Variants in B3GALT1 observed in about 807,000 individuals in gnomAD.
B3GALT1 encodes UDP-Gal:betaGlcNAc beta 1,3-galactosyltransferase, polypeptide 1.
Under a neutral mutation model 23.2 loss-of-function variants are expected in B3GALT1, and 10 were observed. That is an observed-to-expected ratio of 0.43 (90% CI 0.27 to 0.73). The LOEUF (loss-of-function observed/expected upper bound fraction) is 0.73, where lower values mean the gene tolerates loss of function less well. Ranked by LOEUF, B3GALT1 falls within the 30% of genes least tolerant of loss-of-function variation. The probability of loss-of-function intolerance (pLI) is 0.21; values close to 1 mark genes in which losing one functional copy is unlikely to be tolerated. For synonymous variants in B3GALT1, 156 were observed against 141.5 expected (o/e 1.10, Z -0.73); for missense variants, 299 against 405.4 (o/e 0.74, Z 2.25).
chr2:167,595,594 C>T (rs1365150135), intron 2 of B3GALT1, among the ~76,000 whole-genome samples: 1 of 152,154 alleles, frequency 6.6e-6, no homozygotes. Context: ...ACTCAGAGTA[C>T]CATGGCAACC....
At chr2:167,515,929 T>C (rs1011792809) in intron 2 of B3GALT1, among the ~76,000 whole-genome samples, 5 of 152,098 alleles carry the variant, frequency 3.3e-5, no homozygotes, top group Admixed American at 2.6e-4. Flanking sequence ...ACACAAACCT[T>C]CCTAAATTTT....
chr2:167,709,589 T>G (rs1574224843), intron 3 of B3GALT1, among the ~76,000 whole-genome samples: 1 of 152,066 alleles, frequency 6.6e-6, no homozygotes, highest in African/African-American at 2.4e-5. Context: ...TGAGAGAAAT[T>G]TAGAAAGGCT....
At chr2:167,781,528 C>A (rs925699094) in intron 3 of B3GALT1, among the ~76,000 whole-genome samples, 3 of 152,074 alleles carry the variant, frequency 2.0e-5, no homozygotes, top group African/African-American at 7.2e-5. Flanking sequence ...CTTCAGGAAC[C>A]AAAGAGGAAG....
chr2:167,734,154 A>C (rs1396892284), intron 3 of B3GALT1, among the ~76,000 whole-genome samples: 2 of 152,300 alleles, frequency 1.3e-5, no homozygotes, highest in East Asian at 3.9e-4. Flanking sequence ...GGTCTATAAA[A>C]AATATTGGTT....
intron 1 of B3GALT1, among the ~76,000 whole-genome samples, chr2:167,435,983 GCA>G (rs149818630): frequency 5.2e-4 from 73 of 139,184 alleles, no homozygotes; most frequent in African/African-American, 1.3e-3. Flanking sequence ...ACACACACAC[GCA>G]CACACACACA....
intron 2 of B3GALT1, among the ~76,000 whole-genome samples, chr2:167,583,063 C>G (rs935183259): frequency 4.6e-5 from 7 of 152,210 alleles, no homozygotes; most frequent in African/African-American, 1.7e-4. Flanking sequence ...AGTCTTTTCT[C>G]AAGGCCCATG....
At chr2:167,556,562 T>C (rs555370039) in intron 2 of B3GALT1, among the ~76,000 whole-genome samples, 1 of 152,304 alleles carries the variant, frequency 6.6e-6, no homozygotes, top group South Asian at 2.1e-4. Flanking sequence ...TTAATTTCAA[T>C]AATGAAGTTT....
chr2:167,591,803 A>G lies in B3GALT1; in HGVS notation c.-409-55106A>G, dbSNP rs148873482. 4.3e-4 allele frequency among the ~76,000 whole-genome samples: 66 copies of G among 152,038 alleles called. 1 individual carries two copies. The Middle Eastern group carries it at 0.017, about 39-fold the overall frequency. On this transcript the variant is annotated intron_variant, in intron 2 of 4. Coordinates refer to ENST00000392690, the MANE Select transcript of B3GALT1 (RefSeq NM_020981.4). The stretch of plus-strand genomic sequence containing the variant: ...TGTTTTTGTTGTTGTTGTTGTTGTT[A>G]TTATAGCAGTTGTGTTGAGAGTAAA...
intron 1 of B3GALT1, among the ~76,000 whole-genome samples, chr2:167,305,241 AAT>A (rs199861582): frequency 6.6e-6 from 1 of 151,396 alleles, no homozygotes. Flanking sequence ...GACAGTTGTT[AAT>A]ATATATATAT....
chr2:167,393,242 A>G (rs1164376432), intron 1 of B3GALT1, among the ~76,000 whole-genome samples: 1 of 150,954 alleles, frequency 6.6e-6, no homozygotes, highest in Non-Finnish European at 1.5e-5. Context: ...TCAAAAGAAA[A>G]AAAAAAAAAA....
rs1177204512 is a variant in B3GALT1 at position 167,873,634 on chromosome 2, G to A, written c.*3614G>A. The A allele has an allele frequency of 6.6e-6, 1 of 152,202 alleles. No homozygotes were observed. The highest frequency in any genetic ancestry group is 2.4e-5 in the African/African-American group (1 of 41,446). The allele number at this position is 152,202 out of a possible 1,614,324, so 9.4% of individuals were successfully genotyped here. On this transcript the variant is annotated 3_prime_UTR_variant, in exon 5 of 5. Coordinates refer to ENST00000392690, the MANE Select transcript of B3GALT1 (RefSeq NM_020981.4). Reference sequence around the variant, plus strand: ...ATAAACAACAAAGTAACTTGTGAATGAAAGAAGTAATTTACTAGAACAACG... The same window carrying A: ...ATAAACAACAAAGTAACTTGTGAATAAAAGAAGTAATTTACTAGAACAACG...
intron 2 of B3GALT1, among the ~76,000 whole-genome samples, chr2:167,563,955 AC>A (rs1301795052): frequency 2.6e-5 from 2 of 76,788 alleles, no homozygotes; most frequent in Non-Finnish European, 5.3e-5. Flanking sequence ...GGCGGGGCCG[AC>A]CCCCCCACCT....
chr2:167,294,476 G>A (rs1696316361), intron 1 of B3GALT1, among the ~76,000 whole-genome samples: 1 of 152,258 alleles, frequency 6.6e-6, no homozygotes. Flanking sequence ...CAAATGGATG[G>A]TGCTACTGGG....
chr2:167,566,537 C>T (rs1365874768), intron 2 of B3GALT1, among the ~76,000 whole-genome samples: 1 of 144,268 alleles, frequency 6.9e-6, no homozygotes, highest in Non-Finnish European at 1.5e-5. Flanking sequence ...GAAAAATTAG[C>T]TCAAAATAAA....
intron 3 of B3GALT1, among the ~76,000 whole-genome samples, chr2:167,647,312 A>G (rs1342696786): frequency 4.6e-5 from 7 of 152,180 alleles, no homozygotes; most frequent in Admixed American, 4.6e-4. Context: ...TACAGCACCA[A>G]GCTGAGCATG....
In B3GALT1 at chr2:167,339,697, A is replaced by T. The variant is rs557990445; in HGVS notation, c.-511+46363A>T. 3.6e-4 allele frequency among the ~76,000 whole-genome samples: 55 copies of T among 152,270 alleles called. No homozygotes were observed. In the South Asian group the frequency reaches 9.5e-3, roughly 26 times the overall value. On this transcript the variant is annotated intron_variant, in intron 1 of 4. Coordinates refer to ENST00000392690, the MANE Select transcript of B3GALT1 (RefSeq NM_020981.4). The stretch of plus-strand genomic sequence containing the variant: ...TGTTTCAGTTAGGTAACCGAAATTG[A>T]AAACAATATAAGCTTCCCATTTCGA...
At chr2:167,835,421 C>T (rs929218033) in intron 4 of B3GALT1, among the ~76,000 whole-genome samples, 3 of 152,210 alleles carry the variant, frequency 2.0e-5, no homozygotes, top group Non-Finnish European at 2.9e-5. Flanking sequence ...CACGGAGTCT[C>T]GCTGATTGCT....
chr2:167,483,546 A>G lies in B3GALT1; in HGVS notation c.-510-6631A>G, dbSNP rs188548799. Among the ~76,000 whole-genome samples the G allele has an allele frequency of 3.2e-4, 49 of 152,338 alleles. No homozygotes were observed. The East Asian group carries it at 8.1e-3, about 25-fold the overall frequency. ...CTGGTTTAATATAGAATTCAAATTA[A>G]TACACATATATGGTTGAGTCAGGAA... On this transcript the variant is annotated intron_variant, in intron 1 of 4. Coordinates refer to ENST00000392690, the MANE Select transcript of B3GALT1 (RefSeq NM_020981.4).
intron 2 of B3GALT1, among the ~76,000 whole-genome samples, chr2:167,495,816 C>T (rs867626558): frequency 1.3e-5 from 2 of 151,990 alleles, no homozygotes; most frequent in Non-Finnish European, 2.9e-5. Flanking sequence ...ATCAATGTTT[C>T]GTATGGTGAA....
Sources: allele counts gnomAD v4.1 joint callset (sites outside exome capture counted in the v4.1 genomes callset), GRCh38; gene constraint gnomAD v4.1.1; transcripts MANE v1.5; gene names NCBI Gene and HGNC (gene_info 2026-07-23, HGNC 2026-07-21).